Variants in PTPRG observed in about 807,000 individuals in gnomAD.
PTPRG encodes receptor-type tyrosine-protein phosphatase gamma.
In PTPRG, 102 loss-of-function variants were observed where a neutral mutation model predicts 165.3. The observed-to-expected ratio is 0.62, with a 90% CI of 0.53 to 0.73. The LOEUF (loss-of-function observed/expected upper bound fraction) is 0.73, where lower values mean the gene tolerates loss of function less well. Among genes scored for constraint, PTPRG ranks in the 30% least tolerant of loss-of-function variants. The probability of loss-of-function intolerance (pLI) is 0.00; values close to 1 mark genes in which losing one functional copy is unlikely to be tolerated. For missense variants in PTPRG, 1,866 were observed against 1,861.4 expected (o/e 1.00, Z -0.05); for synonymous variants, 675 against 669.5 (o/e 1.01, Z -0.13).
At chr3:61,795,672 G>T (rs2035022943) in intron 2 of PTPRG, among the ~76,000 whole-genome samples, 1 of 144,752 alleles carries the variant, frequency 6.9e-6, no homozygotes, top group African/African-American at 2.6e-5. Context: ...AAAAAAGTGG[G>T]AATAGTATCT....
intron 2 of PTPRG, among the ~76,000 whole-genome samples, chr3:61,914,807 A>G (rs901574564): frequency 6.6e-6 from 1 of 152,140 alleles, no homozygotes; most frequent in Non-Finnish European, 1.5e-5. Context: ...ATTGTCATGA[A>G]CTCTCCTTTG....
At chr3:61,827,978 AT>A (rs1236689370) in intron 2 of PTPRG, among the ~76,000 whole-genome samples, 1 of 152,216 alleles carries the variant, frequency 6.6e-6, no homozygotes, top group Non-Finnish European at 1.5e-5. Context: ...AATTTCTTAC[AT>A]TAAAATATTT....
intron 8 of PTPRG, among the ~76,000 whole-genome samples, chr3:62,172,929 G>A (rs1030116452): frequency 6.6e-6 from 1 of 152,174 alleles, no homozygotes; most frequent in Non-Finnish European, 1.5e-5. Flanking sequence ...ACATAAGGCA[G>A]GAGTCATTTA....
rs1319545932 is a variant in PTPRG at position 62,217,877 on chromosome 3, G to A, written c.2156-974G>A. 6.6e-6 allele frequency: 1 copy of A among 152,458 alleles called. No individual in the cohort carries two copies. The highest frequency in any genetic ancestry group is 2.4e-5 in the African/African-American group (1 of 41,454). The allele number at this position is 152,458 out of a possible 1,614,324, so 9.4% of individuals were successfully genotyped here. A position where few individuals can be genotyped will look rare whatever the true frequency, so the allele number is the denominator to read the frequency against. On this transcript the variant is annotated intron_variant, in intron 12 of 29. Coordinates refer to ENST00000474889, the MANE Select transcript of PTPRG (RefSeq NM_002841.4). This position sits in a 1 kb window ranked among gnomAD's most constrained non-coding sequence, Gnocchi z 4.3. ...GGAGGAAGGAGCTGCCTGGTTAACA[G>A]GTATTGGCCGACCAGAGAGAATCCT...
At position 62,157,158 on chromosome 3, in the gene PTPRG, AC is replaced by A; in HGVS notation, c.776del (p.Pro259HisfsTer6). 6.2e-7 allele frequency: 1 copy of A among 1,613,932 alleles called. No homozygotes were observed. The highest frequency in any genetic ancestry group is 8.5e-7 in the Non-Finnish European group (1 of 1,179,878). ...YYRYTGSLTT[P>X]PCSEIVEWIV... ...ATCGGTACACAGGTTCCTTGACCAC[AC>A]CACCGTGTAGCGAAATAGTGGAGTG... On this transcript the variant is annotated frameshift_variant, in exon 7 of 30. Coordinates refer to ENST00000474889, the MANE Select transcript of PTPRG (RefSeq NM_002841.4). LOFTEE classifies it high-confidence loss of function.
intron 5 of PTPRG, among the ~76,000 whole-genome samples, chr3:62,085,834 A>G (rs370689367): frequency 6.6e-6 from 1 of 152,352 alleles, no homozygotes; most frequent in East Asian, 1.9e-4. Context: ...TCTCTGTGCC[A>G]TGCTCCATGG....
intron 2 of PTPRG, among the ~76,000 whole-genome samples, chr3:61,957,057 A>G (rs2107635401): frequency 6.6e-6 from 1 of 152,354 alleles, no homozygotes; most frequent in East Asian, 1.9e-4. Flanking sequence ...CTACAGATAA[A>G]AACTTGTACT....
At chr3:61,800,422 G>C (rs1428224447) in intron 2 of PTPRG, among the ~76,000 whole-genome samples, 3 of 152,014 alleles carry the variant, frequency 2.0e-5, no homozygotes, top group Non-Finnish European at 4.4e-5. Context: ...CAAGAACTTG[G>C]AGAGTTTCCC....
intron 2 of PTPRG, among the ~76,000 whole-genome samples, chr3:61,784,180 T>C (rs2034626129): frequency 6.6e-6 from 1 of 152,042 alleles, no homozygotes; most frequent in Non-Finnish European, 1.5e-5. Flanking sequence ...AGGTGAATAA[T>C]TGGTGATGTC....
chr3:62,054,735 G>T (rs1559769838), intron 4 of PTPRG, among the ~76,000 whole-genome samples: 1 of 152,188 alleles, frequency 6.6e-6, no homozygotes, highest in South Asian at 2.1e-4. Flanking sequence ...GTTATATTTT[G>T]CAGTCTTAAA....
At chr3:62,014,996 T>C (rs978512636) in intron 4 of PTPRG, among the ~76,000 whole-genome samples, 1 of 152,212 alleles carries the variant, frequency 6.6e-6, no homozygotes, top group African/African-American at 2.4e-5. Context: ...CTGAGACATA[T>C]TCCAGGGCTA....
intron 13 of PTPRG, among the ~76,000 whole-genome samples, chr3:62,220,331 T>C (rs1300790794): frequency 6.6e-6 from 1 of 152,220 alleles, no homozygotes; most frequent in Non-Finnish European, 1.5e-5. Flanking sequence ...ACTTGGCTGC[T>C]GTGTTGAATA....
intron 8 of PTPRG, among the ~76,000 whole-genome samples, chr3:62,180,270 T>C (rs1705595775): frequency 6.6e-6 from 1 of 152,204 alleles, no homozygotes; most frequent in Non-Finnish European, 1.5e-5. Context: ...GATACCAGTC[T>C]TGTGTTGCTA....
At chr3:61,989,102 A>G (rs1489203113) in intron 2 of PTPRG, among the ~76,000 whole-genome samples, 3 of 152,192 alleles carry the variant, frequency 2.0e-5, no homozygotes, top group Non-Finnish European at 4.4e-5. Context: ...ATCTTTCACA[A>G]TTAGCCAAAG....
At chr3:61,933,408 C>CT (rs2039408745) in intron 2 of PTPRG, among the ~76,000 whole-genome samples, 1 of 152,284 alleles carries the variant, frequency 6.6e-6, no homozygotes, top group East Asian at 1.9e-4. Flanking sequence ...TAACAAACCA[C>CT]TGTAAGACTC....
At chr3:61,724,437 A>G (rs1371824365) in intron 1 of PTPRG, among the ~76,000 whole-genome samples, 1 of 152,132 alleles carries the variant, frequency 6.6e-6, no homozygotes. Context: ...AGCTGCTACA[A>G]AGTCAAATAT....
intron 1 of PTPRG, among the ~76,000 whole-genome samples, chr3:61,611,525 T>G (rs2106873825): frequency 6.6e-6 from 1 of 152,348 alleles, no homozygotes; most frequent in Non-Finnish European, 1.5e-5. Context: ...GGAGCCTGTT[T>G]AGAAGGAAAA....
At chr3:61,731,965 C>A (rs1240160286) in intron 1 of PTPRG, among the ~76,000 whole-genome samples, 4 of 151,848 alleles carry the variant, frequency 2.6e-5, no homozygotes, top group Non-Finnish European at 5.9e-5. Flanking sequence ...CCATGTCCAG[C>A]TAATTTTTGT....
chr3:61,766,276 G>T (rs892406524), intron 2 of PTPRG, among the ~76,000 whole-genome samples: 3 of 152,118 alleles, frequency 2.0e-5, no homozygotes, highest in African/African-American at 7.2e-5. Context: ...AAGGTCATGT[G>T]AAAACCACTT....
Sources: gnomAD v4.1 joint callset for allele counts (sites outside exome capture counted in the v4.1 genomes callset) on GRCh38, gnomAD v4.1.1 for gene constraint, Gnocchi (gnomAD v3.1) non-coding constraint, MANE v1.5 for transcripts, NCBI Gene and HGNC (gene_info 2026-07-23, HGNC 2026-07-21) for gene names.